NPLOC4: variants seen among roughly 807,000 people sequenced by gnomAD.
The protein encoded by NPLOC4 is NPL4 homolog, ubiquitin recognition factor.
A neutral mutation model predicts 80.6 loss-of-function variants in NPLOC4; 18 were observed. That is an observed-to-expected ratio of 0.22 (90% CI 0.15 to 0.33). The LOEUF (loss-of-function observed/expected upper bound fraction) is 0.33, where lower values mean the gene tolerates loss of function less well. NPLOC4 is among the 10% of genes least tolerant of loss of function. The pLI is 1.00. For synonymous variants in NPLOC4, 313 were observed against 301.5 expected (o/e 1.04, Z -0.39); for missense variants, 540 against 786.1 (o/e 0.69, Z 3.74).
chr17:81,594,637 T>A (rs897056474), intron 11 of NPLOC4, among the ~76,000 whole-genome samples: 2 of 151,992 alleles, frequency 1.3e-5, no homozygotes, highest in Admixed American at 1.3e-4. Context: ...TAGCCGGGTA[T>A]GCTGGCAGGC....
chr17:81,628,396 C>T (rs1230067111), intron 2 of NPLOC4, among the ~76,000 whole-genome samples: 1 of 151,550 alleles, frequency 6.6e-6, no homozygotes, highest in Non-Finnish European at 1.5e-5. Flanking sequence ...TGCCTGTAAT[C>T]CTAGCTACTC....
chr17:81,599,276 A>G (rs1481056762), intron 9 of NPLOC4, among the ~76,000 whole-genome samples: 1 of 147,802 alleles, frequency 6.8e-6, no homozygotes, highest in Non-Finnish European at 1.5e-5. Flanking sequence ...GTGAAAGAGC[A>G]AGACTCCTCA....
intron 3 of NPLOC4, among the ~76,000 whole-genome samples, chr17:81,618,753 G>A (rs1394052893): frequency 1.3e-5 from 2 of 151,790 alleles, no homozygotes; most frequent in Non-Finnish European, 2.9e-5. Context: ...GCAGTTTTGT[G>A]GAATAGAAAA....
chr17:81,595,902 A>T (rs892126276), intron 11 of NPLOC4, among the ~76,000 whole-genome samples: 2 of 152,068 alleles, frequency 1.3e-5, no homozygotes, highest in Non-Finnish European at 2.9e-5. Context: ...GGAGGTCCTG[A>T]TTCTGTTATG....
At chr17:81,636,836 C>T in intron 1 of NPLOC4, 80 bp downstream of exon 1, 1 of 1,300,640 alleles carries the variant, frequency 7.7e-7, no homozygotes, top group Non-Finnish European at 9.8e-7. Flanking sequence ...GCCGGCAGGC[C>T]CGCCTCCCCC....
At chr17:81,617,663 C>CCCCCCCCCCCTCCCCCT (rs2035536057) in intron 3 of NPLOC4, among the ~76,000 whole-genome samples, 11 of 134,108 alleles carry the variant, frequency 8.2e-5, no homozygotes, top group South Asian at 2.6e-4. Flanking sequence ...CAAAAAATGC[C>CCCCCCCCCCCTCCCCCT]CCCCCTCCCC....
chr17:81,606,555 G>C, intron 7 of NPLOC4, 136 bp downstream of exon 7: 1 of 906,976 alleles, frequency 1.1e-6, no homozygotes, highest in Non-Finnish European at 1.6e-6. Context: ...TTCCACAAAA[G>C]GATCATTCAG....
At chr17:81,618,410 C>T (rs2035565409) in intron 3 of NPLOC4, among the ~76,000 whole-genome samples, 1 of 150,668 alleles carries the variant, frequency 6.6e-6, no homozygotes, top group African/African-American at 2.4e-5. Context: ...GTGAGGAGCC[C>T]CTCCGCCCCG....
chr17:81,611,997 T>C (rs1045778756), intron 4 of NPLOC4, among the ~76,000 whole-genome samples: 1 of 146,410 alleles, frequency 6.8e-6, no homozygotes, highest in Non-Finnish European at 1.5e-5. Flanking sequence ...AAATAAATAA[T>C]AACAAAGCTG....
chr17:81,611,737 G>A (rs565519717), intron 4 of NPLOC4, among the ~76,000 whole-genome samples: 1 of 151,522 alleles, frequency 6.6e-6, no homozygotes, highest in Admixed American at 6.6e-5. Flanking sequence ...GAGGCGGGTG[G>A]ATCACAAGTC....
Position 81,596,157 on chromosome 17 carries a change from T to C in NPLOC4, c.1079A>G (p.Asp360Gly). Residue 360 changes from aspartate (D) to glycine (G), a missense_variant, in exon 11 of 17, where the codon GAC (aspartate) becomes GGC (glycine). Physicochemically the swap from Asp to Gly is moderately conservative, Grantham distance 94. Around this residue, in one of 6 missense-constraint regions of NPLOC4, gnomAD observed 251 missense variants for 377.5 expected, o/e 0.66. Coordinates refer to ENST00000331134, the MANE Select transcript of NPLOC4 (RefSeq NM_017921.4). ...AACAAACTTGGATCCAAAATGTCCGTCTGGAGAGAGCCGGCACATGTTGGG... is the reference window on the plus strand; with the variant it reads ...AACAAACTTGGATCCAAAATGTCCGCCTGGAGAGAGCCGGCACATGTTGGG... The part of the protein sequence containing the change: ...KHPNMCRLSP[D>G]GHFGSKFVTA... The C allele has an allele frequency of 1.2e-6, 2 of 1,613,960 alleles. No homozygotes were observed. Among genetic ancestry groups the C allele is most frequent in the South Asian group, 2.2e-5 (2 of 91,084 alleles).
At chr17:81,587,339 G>A (rs941957736) in intron 12 of NPLOC4, among the ~76,000 whole-genome samples, 24 of 151,278 alleles carry the variant, frequency 1.6e-4, no homozygotes, top group African/African-American at 1.2e-4. Flanking sequence ...TTTTTGAGAC[G>A]GAGTCTTGCT....
At chr17:81,566,016 C>A (rs1207236487) in intron 15 of NPLOC4, among the ~76,000 whole-genome samples, 3 of 152,160 alleles carry the variant, frequency 2.0e-5, no homozygotes, top group Admixed American at 6.5e-5. Context: ...TCTATCCTAG[C>A]CTTCCGAGTC....
chr17:81,596,001 A>G, intron 11 of NPLOC4, 115 bp downstream of exon 11: 1 of 1,026,538 alleles, frequency 9.7e-7, no homozygotes, highest in South Asian at 1.6e-5. Flanking sequence ...TATATCCCAC[A>G]AGCCCAGTAA....
At chr17:81,593,652 A>G (rs76403168) in intron 11 of NPLOC4, among the ~76,000 whole-genome samples, 18,243 of 151,910 alleles carry the variant, frequency 0.12, 1,274 homozygotes, top group Non-Finnish European at 0.15. Context: ...CTGTACCCAG[A>G]TATCAGCCTA....
rs1249904209 is a variant in NPLOC4, at chr17:81,590,500, T to C, written c.1121-1396A>G. On this transcript the variant is annotated intron_variant, in intron 11 of 16. Transcript: ENST00000331134. ...AAGTTATGTGCTGACTACAATCTCATTATTTTTTAGGTATTTATTTATTGT... is the reference window on the plus strand; with the variant it reads ...AAGTTATGTGCTGACTACAATCTCACTATTTTTTAGGTATTTATTTATTGT... Among the ~76,000 whole-genome samples the C allele has an allele frequency of 2.6e-5, 4 of 152,144 alleles. No homozygotes were observed. In the East Asian group the frequency reaches 7.7e-4, roughly 29 times the overall value.
At position 81,577,147 on chromosome 17, in the gene NPLOC4, C is replaced by T. The variant is rs1335405542; in HGVS notation, c.1282-5059G>A. 3.9e-5 allele frequency among the ~76,000 whole-genome samples: 6 copies of T among 152,136 alleles called. No homozygotes were observed. Among genetic ancestry groups the T allele is most frequent in the Admixed American group, 3.9e-4 (6 of 15,270 alleles). Reference sequence around the variant, plus strand: ...GGGTTCCTCAGAGATACCCTCTGGCCCCTCCACAGCTGGCTCCTTGAAGGA... The same window carrying T: ...GGGTTCCTCAGAGATACCCTCTGGCTCCTCCACAGCTGGCTCCTTGAAGGA... On this transcript the variant is annotated intron_variant, in intron 12 of 16. Coordinates refer to ENST00000331134, the MANE Select transcript of NPLOC4 (RefSeq NM_017921.4). The surrounding 1 kb of genome is among the most constrained non-coding windows in gnomAD (Gnocchi z 4.3).
chr17:81,628,356 T>C (rs887239336), intron 2 of NPLOC4, among the ~76,000 whole-genome samples: 1 of 151,276 alleles, frequency 6.6e-6, no homozygotes, highest in South Asian at 2.1e-4. Context: ...CTACTAAAAA[T>C]ACAAAAAATT....
chr17:81,560,684 C>G (rs2033823148), intron 16 of NPLOC4: 1 of 151,904 alleles, frequency 6.6e-6, no homozygotes, highest in African/African-American at 2.4e-5. Context: ...GATCTCAAAA[C>G]AAACAAACAA....
Sources: allele counts gnomAD v4.1 joint callset (sites outside exome capture counted in the v4.1 genomes callset), GRCh38; gene constraint gnomAD v4.1.1; regional missense constraint gnomAD v4.1.1; non-coding constraint Gnocchi (gnomAD v3.1); transcripts MANE v1.5; gene names NCBI Gene and HGNC (gene_info 2026-07-23, HGNC 2026-07-21).